The following PDE12 variants were observed in gnomAD, a reference collection of about 807,000 sequenced individuals.
PDE12 encodes 2',5'-phosphodiesterase 12.
Under a neutral mutation model 45.4 loss-of-function variants are expected in PDE12, and 26 were observed. The observed-to-expected ratio is 0.57, with a 90% CI of 0.42 to 0.79. PDE12 has a LOEUF of 0.79. PDE12 is among the 30% of genes least tolerant of loss of function. The probability of loss-of-function intolerance (pLI) is 0.00; values close to 1 mark genes in which losing one functional copy is unlikely to be tolerated. For missense variants in PDE12, 668 were observed against 790.0 expected, an observed-to-expected ratio of 0.85 and a Z score of 1.85; for synonymous variants, 283 against 323.9, an observed-to-expected ratio of 0.87 and a Z score of 1.36.
the PDE12 span, among the ~76,000 whole-genome samples, chr3:57,656,224 T>C: frequency 4.0e-3 from 613 of 152,352 alleles, 6 homozygotes; most frequent in African/African-American, 0.014. Context: ...ATCTGATTTC[T>C]GTCCCTATAG....
At chr3:57,644,566 C>T in the PDE12 span, among the ~76,000 whole-genome samples, 11 of 150,364 alleles carry the variant, frequency 7.3e-5, 1 homozygote, top group South Asian at 2.1e-3. Context: ...CCTCAGCCTA[C>T]CAAAGTGCTG....
At chr3:57,645,507 TACTA>T in the PDE12 span, among the ~76,000 whole-genome samples, 120 of 152,180 alleles carry the variant, frequency 7.9e-4, 1 homozygote, top group African/African-American at 2.4e-3. Context: ...TCAAATAAGG[TACTA>T]ACTCTTAAAA....
chr3:57,576,803 A>T, the PDE12 span, among the ~76,000 whole-genome samples: 1 of 152,138 alleles, frequency 6.6e-6, no homozygotes. Flanking sequence ...TGTGAACCAA[A>T]CATTTGTCTC....
At chr3:57,594,849 G>A in the PDE12 span, among the ~76,000 whole-genome samples, 268 of 152,298 alleles carry the variant, frequency 1.8e-3, no homozygotes, top group Middle Eastern at 3.4e-3. Context: ...AAGCCAGACA[G>A]AAAAATGTAA....
the PDE12 span, among the ~76,000 whole-genome samples, chr3:57,653,813 C>G: frequency 3.8e-4 from 55 of 145,016 alleles, no homozygotes; most frequent in Non-Finnish European, 6.7e-4. Context: ...AAATGAAGGT[C>G]TGTAAGGAAA....
At chr3:57,651,909 T>C in the PDE12 span, among the ~76,000 whole-genome samples, 1 of 152,008 alleles carries the variant, frequency 6.6e-6, no homozygotes. Context: ...AATAGTGTGG[T>C]GATTTAAAAT....
At chr3:57,642,506 T>C in the PDE12 span, among the ~76,000 whole-genome samples, 6 of 151,812 alleles carry the variant, frequency 4.0e-5, no homozygotes, top group African/African-American at 1.5e-4. Flanking sequence ...TGAAGTGACA[T>C]TATGGCCTGT....
intron 1 of PDE12, 150 bp downstream of exon 1, chr3:57,557,837 T>C (rs1328396031): frequency 2.7e-6 from 2 of 750,038 alleles, no homozygotes; most frequent in African/African-American, 1.8e-5. Context: ...CAAAGTTTAC[T>C]CTTCATTCAT....
At chr3:57,633,050 T>C in the PDE12 span, among the ~76,000 whole-genome samples, 4 of 152,054 alleles carry the variant, frequency 2.6e-5, no homozygotes, top group South Asian at 4.1e-4. Context: ...GGTGAGAAAA[T>C]TGAGGGTCAG....
chr3:57,574,945 T>C, the PDE12 span, among the ~76,000 whole-genome samples: 1 of 151,214 alleles, frequency 6.6e-6, no homozygotes, highest in African/African-American at 2.4e-5. Flanking sequence ...ACCTCCTGGG[T>C]TCAAGTGATT....
the PDE12 span, among the ~76,000 whole-genome samples, chr3:57,607,738 G>C: frequency 6.6e-6 from 1 of 152,136 alleles, no homozygotes; most frequent in Non-Finnish European, 1.5e-5. Context: ...TATGTGAAAA[G>C]ACCAAATCTA....
At chr3:57,628,293 A>T in the PDE12 span, 1 of 1,614,160 alleles carries the variant, frequency 6.2e-7, no homozygotes, top group Non-Finnish European at 8.5e-7. Flanking sequence ...GTGTGTCCGT[A>T]ACTTTTCCAT....
chr3:57,645,244 C>T, the PDE12 span, among the ~76,000 whole-genome samples: 1 of 152,044 alleles, frequency 6.6e-6, no homozygotes, highest in African/African-American at 2.4e-5. Context: ...AGGCAGATCA[C>T]AAAGTCAGGA....
chr3:57,612,890 ATAAT>A, the PDE12 span, among the ~76,000 whole-genome samples: 1 of 152,172 alleles, frequency 6.6e-6, no homozygotes, highest in Non-Finnish European at 1.5e-5. Flanking sequence ...TCCTAACTCT[ATAAT>A]TACGTTAATG....
chr3:57,561,516 A>C lies in PDE12; in HGVS notation c.*1512A>C, dbSNP rs767404532. 5.1e-6 allele frequency: 5 copies of C among 984,832 alleles called. No homozygotes were observed. The highest frequency in any genetic ancestry group is 4.8e-6 in the Non-Finnish European group (4 of 829,322). The allele number at this position is 984,832 out of a possible 1,614,324, so 61.0% of individuals were successfully genotyped here. ...GGTTATACTGATTAGTGTCTAGCCT[A>C]GAGTGGTAACCATGCTTTACTAATT... On this transcript the variant is annotated 3_prime_UTR_variant, in exon 3 of 3. Transcript: ENST00000311180.
chr3:57,654,131 A>G, the PDE12 span, among the ~76,000 whole-genome samples: 632 of 140,646 alleles, frequency 4.5e-3, 2 homozygotes, highest in African/African-American at 0.016. Flanking sequence ...TTTTTTTTGT[A>G]TTTTTAGTAG....
the PDE12 span, chr3:57,584,030 C>A: frequency 6.8e-7 from 1 of 1,480,874 alleles, no homozygotes; most frequent in South Asian, 1.2e-5. Context: ...ACAAAAATGA[C>A]CGCTGTGCAG....
chr3:57,618,623 T>TTTTTTTGGGGATGGAG, the PDE12 span, among the ~76,000 whole-genome samples: 1 of 138,718 alleles, frequency 7.2e-6, no homozygotes, highest in Non-Finnish European at 1.6e-5. Flanking sequence ...TTTTTTTTTT[T>TTTTTTTGGGGATGGAG]TTTTGAGATG....
chr3:57,561,289 T>C lies in PDE12; in HGVS notation c.*1285T>C, dbSNP rs2069725403. 1.0e-6 allele frequency: 1 copy of C among 985,362 alleles called. No individual in the cohort carries two copies. The highest frequency in any genetic ancestry group is 1.7e-5 in the African/African-American group (1 of 57,240). The allele number at this position is 985,362 out of a possible 1,614,324, so 61.0% of individuals were successfully genotyped here. A position where few individuals can be genotyped will look rare whatever the true frequency, so the allele number is the denominator to read the frequency against. On this transcript the variant is annotated 3_prime_UTR_variant, in exon 3 of 3. Transcript: ENST00000311180. ...TCATTGAGCATTTCTACACTAGAAG[T>C]AATTTCAAAATTGTTGGTTTTTATA...
Sources: allele counts gnomAD v4.1 joint callset (sites outside exome capture counted in the v4.1 genomes callset), GRCh38; gene constraint gnomAD v4.1.1; transcripts MANE v1.5; gene names NCBI Gene and HGNC (gene_info 2026-07-23, HGNC 2026-07-21).